The following APBA2 variants were observed in gnomAD, a reference collection of about 807,000 sequenced individuals.
APBA2 encodes the protein amyloid beta precursor protein binding family A member 2.
In APBA2, 30 loss-of-function variants were observed where a neutral mutation model predicts 75.0. The ratio of observed to expected loss-of-function variants is 0.40; its 90% CI spans 0.30 to 0.54. APBA2 has a LOEUF of 0.54. APBA2 is among the 20% of genes least tolerant of loss of function. The probability of loss-of-function intolerance (pLI) is 0.49; values close to 1 mark genes in which losing one functional copy is unlikely to be tolerated. For synonymous variants in APBA2, 444 were observed against 409.6 expected (o/e 1.08, Z -1.01); for missense variants, 801 against 1,016.1 (o/e 0.79, Z 2.88).
chr15:29,078,645 A>G (rs2042957068), intron 6 of APBA2, among the ~76,000 whole-genome samples: 1 of 151,990 alleles, frequency 6.6e-6, no homozygotes, highest in African/African-American at 2.4e-5. Context: ...AACAAAAAAA[A>G]AAAGTCCAGA....
chr15:28,945,710 G>A (rs2152712838), intron 2 of APBA2, among the ~76,000 whole-genome samples: 1 of 152,140 alleles, frequency 6.6e-6, no homozygotes, highest in East Asian at 1.9e-4. Flanking sequence ...TAGAGACAGG[G>A]TTTTAACATG....
chr15:28,888,033 G>C (rs2031873788), intron 1 of APBA2, among the ~76,000 whole-genome samples: 1 of 152,172 alleles, frequency 6.6e-6, no homozygotes, highest in Non-Finnish European at 1.5e-5. Context: ...ACTGGTGACC[G>C]TCAGCTCCTC....
intron 6 of APBA2, among the ~76,000 whole-genome samples, 156 bp from the exon 7 acceptor site, chr15:29,092,919 G>A (rs1169451907): frequency 6.6e-6 from 1 of 152,166 alleles, no homozygotes; most frequent in African/African-American, 2.4e-5. Flanking sequence ...GAAGCAGACC[G>A]GCCGCCCGTG....
chr15:29,105,546 G>A lies in APBA2; in HGVS notation c.1692G>A (p.Glu564=), dbSNP rs1456672007. 3 of 1,613,368 alleles carry A rather than the reference G, an allele frequency of 1.9e-6. No individual in the cohort carries two copies. The highest frequency in any genetic ancestry group is 1.3e-5 in the African/African-American group (1 of 74,922). The stretch of plus-strand genomic sequence containing the variant: ...ACCTCATCCACTTCTCAAACTCGGA[G>A]AACTGCAAGGAGGTAAGCCACACCC... ...NDDLIHFSNS[E]NCKELQLEKH... is the part of the protein sequence containing the mutation. The change falls in exon 11 of 15, where the codon GAG becomes GAA. Residue 564 remains glutamate (E), a synonymous_variant. Coordinates refer to ENST00000683413, the MANE Select transcript of APBA2 (RefSeq NM_001353788.2).
intron 13 of APBA2, among the ~76,000 whole-genome samples, chr15:29,109,200 G>C (rs1299860679): frequency 6.6e-6 from 1 of 152,180 alleles, no homozygotes; most frequent in Non-Finnish European, 1.5e-5. Context: ...CCCACCCACA[G>C]TCAGGAAAGA....
intron 4 of APBA2, among the ~76,000 whole-genome samples, chr15:29,063,019 A>C (rs1417441021): frequency 1.3e-4 from 2 of 15,368 alleles, no homozygotes; most frequent in African/African-American, 5.1e-4. Flanking sequence ...ATGGGTGGGG[A>C]GGGGAGTTGA....
intron 3 of APBA2, among the ~76,000 whole-genome samples, chr15:29,026,920 C>CA (rs2040250406): frequency 6.6e-6 from 1 of 151,782 alleles, no homozygotes; most frequent in South Asian, 2.1e-4. Context: ...GACTCTGTCT[C>CA]AAAAAAACAA....
intron 2 of APBA2, among the ~76,000 whole-genome samples, chr15:28,981,327 C>T (rs996399296): frequency 6.6e-6 from 1 of 152,084 alleles, no homozygotes; most frequent in East Asian, 1.9e-4. Flanking sequence ...CAAATAACCT[C>T]GTTAAAAATT....
intron 1 of APBA2, among the ~76,000 whole-genome samples, chr15:28,912,101 T>G (rs1296732170): frequency 6.6e-6 from 1 of 152,206 alleles, no homozygotes; most frequent in East Asian, 1.9e-4. Context: ...CATACGTGCT[T>G]GAGATATTTT....
intron 2 of APBA2, among the ~76,000 whole-genome samples, chr15:28,932,048 G>C (rs1284844019): frequency 6.6e-6 from 1 of 152,148 alleles, no homozygotes; most frequent in Non-Finnish European, 1.5e-5. Context: ...CATCCCAGGG[G>C]ATACGGCCAC....
intron 3 of APBA2, among the ~76,000 whole-genome samples, chr15:29,009,558 C>T (rs944879849): frequency 3.9e-5 from 6 of 152,134 alleles, no homozygotes; most frequent in African/African-American, 1.4e-4. Flanking sequence ...CTAGGGTCCT[C>T]TCCCAGCCAT....
chr15:29,004,631 G>A lies in APBA2; in HGVS notation c.-41+8825G>A, dbSNP rs138297860. ...GTTGAGGACCACTGGCATAACGCAC[G>A]GCTGCTCGAACTCCAGTGTGCGCCG... On this transcript the variant is annotated intron_variant, in intron 3 of 14. Coordinates refer to ENST00000683413, the MANE Select transcript of APBA2 (RefSeq NM_001353788.2). Among the ~76,000 whole-genome samples, 458 of 152,172 alleles carry A rather than the reference G, an allele frequency of 3.0e-3. 1 individual carries two copies. The highest frequency in any genetic ancestry group is 0.011 in the African/African-American group (437 of 41,522).
chr15:28,946,273 A>C (rs182719192), intron 2 of APBA2, among the ~76,000 whole-genome samples: 1 of 152,312 alleles, frequency 6.6e-6, no homozygotes, highest in Admixed American at 6.5e-5. Flanking sequence ...GGATCTTGAG[A>C]TGGAGAGATT....
At chr15:28,951,417 A>C (rs949423758) in intron 2 of APBA2, among the ~76,000 whole-genome samples, 2 of 152,148 alleles carry the variant, frequency 1.3e-5, no homozygotes, top group African/African-American at 4.8e-5. Flanking sequence ...TATTTCTGCA[A>C]GGATCCCTGC....
At chr15:28,953,399 G>C (rs2035994189) in intron 2 of APBA2, among the ~76,000 whole-genome samples, 1 of 152,054 alleles carries the variant, frequency 6.6e-6, no homozygotes, top group Non-Finnish European at 1.5e-5. Flanking sequence ...GAAGTCTCTT[G>C]CTCCCACTCC....
At chr15:29,089,444 C>T (rs565332109) in intron 6 of APBA2, among the ~76,000 whole-genome samples, 3 of 152,334 alleles carry the variant, frequency 2.0e-5, no homozygotes, top group Admixed American at 6.5e-5. Flanking sequence ...CACCCCCACA[C>T]TCCCACATAC....
chr15:28,988,177 A>G (rs925660523), intron 2 of APBA2, among the ~76,000 whole-genome samples: 1 of 152,116 alleles, frequency 6.6e-6, no homozygotes, highest in South Asian at 2.1e-4. Context: ...GGCCTAGTAC[A>G]TGTATAAGTA....
At chr15:28,914,595 G>GC (rs1312429190) in intron 1 of APBA2, among the ~76,000 whole-genome samples, 6 of 152,044 alleles carry the variant, frequency 3.9e-5, no homozygotes, top group African/African-American at 1.5e-4. Context: ...GGGTCCTGCT[G>GC]CCCCGCTCAG....
chr15:28,923,388 T>G (rs2034080322), intron 2 of APBA2, among the ~76,000 whole-genome samples: 1 of 152,194 alleles, frequency 6.6e-6, no homozygotes, highest in African/African-American at 2.4e-5. Flanking sequence ...TCCTGAGAGC[T>G]GCTCCATCTA....
Sources: allele counts gnomAD v4.1 joint callset (sites outside exome capture counted in the v4.1 genomes callset), GRCh38; gene constraint gnomAD v4.1.1; transcripts MANE v1.5; gene names NCBI Gene and HGNC (gene_info 2026-07-23, HGNC 2026-07-21).